The following HS3ST5 variants were observed in gnomAD, a reference collection of about 807,000 sequenced individuals.
HS3ST5 encodes heparan sulfate glucosamine 3-O-sulfotransferase 5.
In HS3ST5, 10 loss-of-function variants were observed where a neutral mutation model predicts 25.4. The observed-to-expected ratio is 0.39, with a 90% CI of 0.24 to 0.67. HS3ST5 has a LOEUF of 0.67. Among genes scored for constraint, HS3ST5 ranks in the 30% least tolerant of loss-of-function variants. The pLI, the probability that HS3ST5 is intolerant of heterozygous loss-of-function variation, is 0.44. For missense variants in HS3ST5, 324 were observed against 420.7 expected, an observed-to-expected ratio of 0.77 and a Z score of 2.01; for synonymous variants, 170 against 162.4, an observed-to-expected ratio of 1.05 and a Z score of -0.36.
chr6:114,199,596 A>AGTCG (rs1780918231), intron 2 of HS3ST5, among the ~76,000 whole-genome samples: 1 of 48 alleles, frequency 0.021, no homozygotes, highest in Non-Finnish European at 0.042. Context: ...TAAAAATAAG[A>AGTCG]GAATCCTCCT....
intron 1 of HS3ST5, among the ~76,000 whole-genome samples, chr6:114,311,703 C>T (rs747827084): frequency 2.6e-5 from 4 of 151,760 alleles, no homozygotes; most frequent in Admixed American, 6.6e-5. Flanking sequence ...ACACCACACC[C>T]GGCCAATTTT....
At chr6:114,087,185 G>A (rs1774883888) in intron 3 of HS3ST5, among the ~76,000 whole-genome samples, 1 of 151,976 alleles carries the variant, frequency 6.6e-6, no homozygotes, top group Non-Finnish European at 1.5e-5. Context: ...TTGCCTTTCT[G>A]GCTTCATTTC....
intron 1 of HS3ST5, among the ~76,000 whole-genome samples, chr6:114,272,176 A>G (rs1449878998): frequency 6.6e-6 from 1 of 152,020 alleles, no homozygotes; most frequent in African/African-American, 2.4e-5. Context: ...TGTTAGCCAC[A>G]TTTTCCTATG....
At chr6:114,168,950 C>G (rs1475644409) in intron 2 of HS3ST5, among the ~76,000 whole-genome samples, 1 of 152,074 alleles carries the variant, frequency 6.6e-6, no homozygotes, top group Non-Finnish European at 1.5e-5. Context: ...GCTGCTTCTT[C>G]CTAAATTGAA....
chr6:114,341,079 T>G (rs1483701992), intron 1 of HS3ST5, among the ~76,000 whole-genome samples: 1 of 150,552 alleles, frequency 6.6e-6, no homozygotes, highest in Admixed American at 6.6e-5. Flanking sequence ...TAAAGCACTT[T>G]GCAAATATTA....
intron 1 of HS3ST5, among the ~76,000 whole-genome samples, chr6:114,261,661 A>G (rs934065240): frequency 6.6e-6 from 1 of 152,210 alleles, no homozygotes; most frequent in African/African-American, 2.4e-5. Flanking sequence ...CCCCAAATCC[A>G]TTTACAGTAT....
intron 2 of HS3ST5, among the ~76,000 whole-genome samples, chr6:114,170,667 G>C (rs1779437964): frequency 6.6e-6 from 1 of 152,128 alleles, no homozygotes; most frequent in South Asian, 2.1e-4. Context: ...TTTACTAGCT[G>C]CCACGTTGGG....
intron 3 of HS3ST5, among the ~76,000 whole-genome samples, chr6:114,082,367 CTTTCTT>C (rs1362197854): frequency 6.6e-5 from 10 of 152,220 alleles, no homozygotes. Context: ...ATTAATCTGA[CTTTCTT>C]TTTCTTAACT....
intron 1 of HS3ST5, among the ~76,000 whole-genome samples, chr6:114,254,307 G>T (rs1289957033): frequency 6.6e-6 from 1 of 152,218 alleles, no homozygotes; most frequent in African/African-American, 2.4e-5. Context: ...GTTCAACATG[G>T]CTTCAAAATA....
intron 3 of HS3ST5, among the ~76,000 whole-genome samples, chr6:114,123,449 A>G (rs1382807657): frequency 6.6e-6 from 1 of 152,214 alleles, no homozygotes; most frequent in Non-Finnish European, 1.5e-5. Flanking sequence ...CAAAGTATAT[A>G]CCCAAGAGGA....
chr6:114,324,750 C>A (rs1776105928), intron 1 of HS3ST5, among the ~76,000 whole-genome samples: 1 of 152,176 alleles, frequency 6.6e-6, no homozygotes, highest in Non-Finnish European at 1.5e-5. Flanking sequence ...AGCAGACATT[C>A]AACCAACATA....
intron 2 of HS3ST5, among the ~76,000 whole-genome samples, chr6:114,217,999 CTT>C (rs902470021): frequency 1.1e-4 from 16 of 152,134 alleles, no homozygotes; most frequent in African/African-American, 3.9e-4. Context: ...TTCTTCTTTT[CTT>C]TTCTTCTTTT....
At chr6:114,304,394 C>A (rs1257927052) in intron 1 of HS3ST5, among the ~76,000 whole-genome samples, 3 of 152,050 alleles carry the variant, frequency 2.0e-5, no homozygotes, top group Non-Finnish European at 2.9e-5. Flanking sequence ...TCTCACAAAG[C>A]TTTGTGCTGC....
At chr6:114,305,957 C>T (rs574369520) in intron 1 of HS3ST5, among the ~76,000 whole-genome samples, 17 of 152,144 alleles carry the variant, frequency 1.1e-4, no homozygotes, top group African/African-American at 4.1e-4. Flanking sequence ...TAATGTTGAA[C>T]TGAGAGACCA....
At chr6:114,258,287 C>T (rs1773022246) in intron 1 of HS3ST5, among the ~76,000 whole-genome samples, 2 of 152,152 alleles carry the variant, frequency 1.3e-5, no homozygotes, top group Admixed American at 1.3e-4. Context: ...TGTTTCAGGT[C>T]TTGAAGACTC....
rs1333526974 is a variant in HS3ST5 at position 114,138,048 on chromosome 6, A to AT, written c.-33+30302_-33+30303insA. 3.9e-5 allele frequency among the ~76,000 whole-genome samples: 6 copies of AT among 152,120 alleles called. No homozygotes were observed. The East Asian group carries it at 9.6e-4, about 24-fold the overall frequency. ...TAGCATTTTATAGATTAAAAAAAAA[A>AT]GGAGGCTCTGAGAGTTGGGTACCTT... On this transcript the variant is annotated intron_variant, in intron 3 of 4. Transcript: ENST00000312719.
chr6:114,189,897 G>A (rs1213816783), intron 2 of HS3ST5, among the ~76,000 whole-genome samples: 1 of 152,158 alleles, frequency 6.6e-6, no homozygotes, highest in African/African-American at 2.4e-5. Flanking sequence ...ATCTGGCTGG[G>A]CTGTTTCCTT....
At chr6:114,138,523 G>C (rs937589374) in intron 3 of HS3ST5, among the ~76,000 whole-genome samples, 3 of 152,166 alleles carry the variant, frequency 2.0e-5, no homozygotes, top group Non-Finnish European at 4.4e-5. Flanking sequence ...AGCTGAGTTG[G>C]AATGAGCAGG....
At chr6:114,158,672 A>C (rs1778808670) in intron 3 of HS3ST5, among the ~76,000 whole-genome samples, 1 of 152,222 alleles carries the variant, frequency 6.6e-6, no homozygotes, top group Non-Finnish European at 1.5e-5. Context: ...AATATGTTCA[A>C]CCAAAATGTA....
Sources: gnomAD v4.1 joint callset for allele counts (sites outside exome capture counted in the v4.1 genomes callset) on GRCh38, gnomAD v4.1.1 for gene constraint, MANE v1.5 for transcripts, NCBI Gene and HGNC (gene_info 2026-07-23, HGNC 2026-07-21) for gene names.